MTOR: variants seen among roughly 807,000 people sequenced by gnomAD.
MTOR encodes the protein serine/threonine-protein kinase mTOR.
Under a neutral mutation model 319.8 loss-of-function variants are expected in MTOR, and 70 were observed. The ratio of observed to expected loss-of-function variants is 0.22; its 90% CI spans 0.18 to 0.27. The LOEUF is 0.27. Ranked by LOEUF, MTOR falls within the 10% of genes least tolerant of loss-of-function variation. The pLI is 1.00. For synonymous variants in MTOR, 1,183 were observed against 1,211.4 expected (o/e 0.98, Z 0.49); for missense variants, 1,890 against 3,274.4 (o/e 0.58, Z 10.32).
intron 28 of MTOR, among the ~76,000 whole-genome samples, chr1:11,192,748 TAAAAAAAA>T (rs56996673): frequency 1.4e-4 from 17 of 119,236 alleles, no homozygotes; most frequent in African/African-American, 4.5e-4. Context: ...CCATTTCAAT[TAAAAAAAA>T]AAAAAAAAAA....
intron 6 of MTOR, among the ~76,000 whole-genome samples, chr1:11,251,425 C>T (rs1649653579): frequency 6.6e-6 from 1 of 152,128 alleles, no homozygotes; most frequent in East Asian, 1.9e-4. Context: ...ACTCTATTCC[C>T]CTTCCTTGCC....
chr1:11,124,186 T>G (rs1229227086), intron 47 of MTOR, among the ~76,000 whole-genome samples: 2 of 151,926 alleles, frequency 1.3e-5, no homozygotes, highest in Non-Finnish European at 2.9e-5. Flanking sequence ...TACCTTGGCA[T>G]TACAAAATAT....
At chr1:11,172,170 G>T (rs1644835676) in intron 28 of MTOR, among the ~76,000 whole-genome samples, 1 of 150,938 alleles carries the variant, frequency 6.6e-6, no homozygotes, top group Non-Finnish European at 1.5e-5. Context: ...GCTCACTGGG[G>T]GACCAGGCCT....
chr1:11,256,106 G>T lies in MTOR; in HGVS notation c.591C>A (p.Ala197=). The change falls in exon 5 of 58, where the codon GCC becomes GCA. Residue 197 remains alanine (A), a synonymous_variant. Coordinates refer to ENST00000361445, the MANE Select transcript of MTOR (RefSeq NM_004958.4). ...VQPFFDNIFV[A]VWDPKQAIRE... is the part of the protein sequence containing the mutation. Reference sequence around the variant, plus strand: ...GGATGGCCTGTTTGGGGTCCCACACGGCCACAAAAATGTTGTCAAAGAAGG... The same window carrying T: ...GGATGGCCTGTTTGGGGTCCCACACTGCCACAAAAATGTTGTCAAAGAAGG... The T allele has an allele frequency of 6.2e-7, 1 of 1,614,102 alleles. No individual in the cohort carries two copies. The highest frequency in any genetic ancestry group is 8.5e-7 in the Non-Finnish European group (1 of 1,180,018).
At chr1:11,219,359 G>A (rs1364203537) in intron 19 of MTOR, among the ~76,000 whole-genome samples, 1 of 151,982 alleles carries the variant, frequency 6.6e-6, no homozygotes, top group African/African-American at 2.4e-5. Context: ...GTGGGGTCTA[G>A]GCAGAAAAAT....
intron 29 of MTOR, among the ~76,000 whole-genome samples, chr1:11,163,174 CAA>C (rs999499065): frequency 2.0e-5 from 3 of 152,030 alleles, no homozygotes; most frequent in African/African-American, 7.2e-5. Context: ...CAACAAAGAT[CAA>C]AAGAGACAAA....
intron 28 of MTOR, among the ~76,000 whole-genome samples, chr1:11,177,072 A>G (rs1645016140): frequency 6.6e-6 from 1 of 152,194 alleles, no homozygotes; most frequent in South Asian, 2.1e-4. Flanking sequence ...GAATCAGATG[A>G]TGAAGACAGT....
Position 11,249,407 on chromosome 1 carries a change from CTTTATTTA to C in MTOR, c.841-1321_841-1314del, listed in dbSNP as rs139501937. 3.9e-3 allele frequency among the ~76,000 whole-genome samples: 582 copies of C among 150,818 alleles called. 3 individuals are homozygous for C. Among genetic ancestry groups the C allele is most frequent in the African/African-American group, 0.011 (436 of 40,828 alleles). On this transcript the variant is annotated intron_variant, in intron 6 of 57. Transcript: ENST00000361445. ...TTTTTTTGAAACTAAAACACTCCAT[CTTTATTTA>C]TTTATTTATTTATTTATTTTTTATT...
chr1:11,150,706 C>CCA (rs1644111558), intron 30 of MTOR, among the ~76,000 whole-genome samples: 1 of 152,134 alleles, frequency 6.6e-6, no homozygotes, highest in East Asian at 1.9e-4. Context: ...AAGAAAGGCT[C>CCA]CACAATGGTC....
At chr1:11,169,519 C>T (rs1644746127) in intron 28 of MTOR, among the ~76,000 whole-genome samples, 1 of 152,150 alleles carries the variant, frequency 6.6e-6, no homozygotes, top group African/African-American at 2.4e-5. Flanking sequence ...TCAGACTGAT[C>T]ACATGCTGAC....
rs564132018 is a variant in MTOR at position 11,137,297 on chromosome 1, G to A, written c.5130+2007C>T. ...ACTCTGATGGTAGGTGCTTTTCAGA[G>A]CCCATAAGCTACCTGTCATCAACAA... On this transcript the variant is annotated intron_variant, in intron 36 of 57. Transcript: ENST00000361445. Among the ~76,000 whole-genome samples, 3 of 152,090 alleles carry A rather than the reference G, an allele frequency of 2.0e-5. No individual in the cohort carries two copies. The South Asian group carries it at 6.2e-4, about 32-fold the overall frequency.
At position 11,114,319 on chromosome 1, in the gene MTOR, G is replaced by C. The variant is rs2100314497; in HGVS notation, c.7299C>G (p.Asp2433Glu). The C allele has an allele frequency of 1.2e-6, 2 of 1,613,926 alleles. No homozygotes were observed. The change falls in exon 53 of 58, where the codon GAC (aspartate) becomes GAG (glutamate). Residue 2433 changes from aspartate (D) to glutamate (E), a missense_variant and splice_region_variant. Coordinates refer to ENST00000361445, the MANE Select transcript of MTOR (RefSeq NM_004958.4). The stretch of plus-strand genomic sequence containing the variant: ...TCCCAGGCACTTGATGATACTCACT[G>C]TCCATCAGCCTCCAGTTCAGCAAGG... ...YDPLLNWRLM[D>E]TNTKGNKRSR...
chr1:11,107,012 G>T lies in MTOR; in HGVS notation c.*473C>A. 1.5e-6 allele frequency: 2 copies of T among 1,370,934 alleles called. No homozygotes were observed. The highest frequency in any genetic ancestry group is 1.9e-6 in the Non-Finnish European group (2 of 1,038,994). The allele number at this position is 1,370,934 out of a possible 1,614,324, so 84.9% of individuals were successfully genotyped here. A position where few individuals can be genotyped will look rare whatever the true frequency, so the allele number is the denominator to read the frequency against. On this transcript the variant is annotated 3_prime_UTR_variant, in exon 58 of 58. Coordinates refer to ENST00000361445, the MANE Select transcript of MTOR (RefSeq NM_004958.4). ...GTGAGGTCTTGGGATAGGTGGCAGG[G>T]GTGAGGTCAGCATCTTCTGTGTCTT...
chr1:11,112,965 T>G (rs972678160), intron 53 of MTOR, 48 bp from the exon 54 acceptor site: 21 of 1,571,160 alleles, frequency 1.3e-5, no homozygotes, highest in Non-Finnish European at 1.7e-5. Context: ...AATTTTGACT[T>G]GAAAGAAACT....
intron 11 of MTOR, among the ~76,000 whole-genome samples, chr1:11,238,977 T>C (rs947158220): frequency 1.3e-5 from 2 of 150,810 alleles, no homozygotes; most frequent in Non-Finnish European, 2.9e-5. Context: ...CGTTTCACCA[T>C]GTTAGCTAGG....
intron 5 of MTOR, among the ~76,000 whole-genome samples, chr1:11,254,355 G>T (rs977857664): frequency 2.0e-5 from 3 of 152,076 alleles, no homozygotes; most frequent in African/African-American, 7.2e-5. Context: ...AACCAGGCTG[G>T]TCTCAAACTC....
In MTOR at chr1:11,241,587, C is replaced by T. The variant is rs2100914919; in HGVS notation, c.1507G>A (p.Glu503Lys). 1.9e-6 allele frequency: 3 copies of T among 1,613,976 alleles called. No homozygotes were observed. The highest frequency in any genetic ancestry group is 2.2e-5 in the East Asian group (1 of 44,878). ...MGPGIQQDIK[E>K]LLEPMLAVGL... ...ACTGCCAGCATGGGCTCCAGCAGCTCCTTGATATCCTGCTGGATGCCTGGC... is the reference window on the plus strand; with the variant it reads ...ACTGCCAGCATGGGCTCCAGCAGCTTCTTGATATCCTGCTGGATGCCTGGC... Residue 503 changes from glutamate to lysine, a missense_variant, in exon 10 of 58, where the codon GAG becomes AAG. Physicochemically the swap from Glu to Lys is moderately conservative, Grantham distance 56. Coordinates refer to ENST00000361445, the MANE Select transcript of MTOR (RefSeq NM_004958.4).
At position 11,247,609 on chromosome 1, in the gene MTOR, C is replaced by T. The variant is rs764902181; in HGVS notation, c.1225+16G>A. The T allele has an allele frequency of 1.2e-6, 2 of 1,607,140 alleles. No homozygotes were observed. The highest frequency in any genetic ancestry group is 1.1e-5 in the South Asian group (1 of 90,936). ...ACCCTGAGATGGGTAATGATGTCTTCCATGGACATCCTCACCTGTGAAGGC... is the reference window on the plus strand; with the variant it reads ...ACCCTGAGATGGGTAATGATGTCTTTCATGGACATCCTCACCTGTGAAGGC... On this transcript the variant is annotated intron_variant, in intron 8 of 57. Transcript: ENST00000361445.
chr1:11,189,636 T>C, intron 28 of MTOR: 1 of 1,614,060 alleles, frequency 6.2e-7, no homozygotes, highest in African/African-American at 1.3e-5. Flanking sequence ...TCGTGGCCTT[T>C]GTCAGCCACC....
Sources: gnomAD v4.1 joint callset for allele counts (sites outside exome capture counted in the v4.1 genomes callset) on GRCh38, gnomAD v4.1.1 for gene constraint, MANE v1.5 for transcripts, NCBI Gene and HGNC (gene_info 2026-07-23, HGNC 2026-07-21) for gene names.